The following DPT variants were observed in gnomAD, a reference collection of about 807,000 sequenced individuals.
DPT encodes the protein dermatopontin.
DPT carries 21 observed loss-of-function variants against 31.2 expected under a neutral mutation model. The observed-to-expected ratio is 0.67, with a 90% CI of 0.48 to 0.97. The LOEUF (loss-of-function observed/expected upper bound fraction) is 0.97. Ranked by LOEUF, DPT falls within the 50% of genes least tolerant of loss-of-function variation. DPT has a pLI of 0.00. For missense variants in DPT, 262 were observed against 258.8 expected, an observed-to-expected ratio of 1.01 and a Z score of -0.08; for synonymous variants, 91 against 86.9, an observed-to-expected ratio of 1.05 and a Z score of -0.26.
chr1:168,718,016 A>C lies in DPT; in HGVS notation c.306-3670T>G, dbSNP rs535647014. On this transcript the variant is annotated intron_variant, in intron 1 of 3. Transcript: ENST00000367817. ...GCTCTAAGAATCATAAGCAAAACTC[A>C]TATGTGTCCAAAAAGAGAAGGTTGC... Among the ~76,000 whole-genome samples the C allele has an allele frequency of 2.2e-4, 34 of 152,316 alleles. No individual in the cohort carries two copies. In the South Asian group the frequency reaches 7.1e-3, roughly 32 times the overall value.
At chr1:168,717,880 T>G (rs956664411) in intron 1 of DPT, among the ~76,000 whole-genome samples, 3 of 152,246 alleles carry the variant, frequency 2.0e-5, no homozygotes, top group Admixed American at 1.3e-4. Context: ...ATGAGTGGAA[T>G]GGACTAGGCT....
In DPT at chr1:168,696,108, A is replaced by C. The variant is rs16861320; in HGVS notation, c.*441T>G. On this transcript the variant is annotated 3_prime_UTR_variant, in exon 4 of 4. Coordinates refer to ENST00000367817, the MANE Select transcript of DPT (RefSeq NM_001937.5). The stretch of plus-strand genomic sequence containing the variant: ...GCAGAAAGCCTGCTTTTGGTGGGGA[A>C]CCTACGTATCATTCAAACAGGCTTA... 0.13 allele frequency: 51,625 copies of C among 400,926 alleles called. 4,710 individuals are homozygous for C. The highest frequency in any genetic ancestry group is 0.34 in the African/African-American group (16,617 of 48,638). 24.8% of individuals were successfully genotyped at this position (400,926 alleles called of 1,614,324 possible).
chr1:168,708,354 G>T (rs1649768191), intron 2 of DPT, among the ~76,000 whole-genome samples: 1 of 152,144 alleles, frequency 6.6e-6, no homozygotes. Context: ...GATAGATTTT[G>T]CTCAAGTTCA....
chr1:168,722,540 C>T lies in DPT; in HGVS notation c.305+6330G>A, dbSNP rs551786430. On this transcript the variant is annotated intron_variant, in intron 1 of 3. Transcript: ENST00000367817. ...TGCGTGCATTAATTATTTTAATTAT[C>T]AAAACAATCCTATAAAATGGGTTCA... 7.9e-5 allele frequency among the ~76,000 whole-genome samples: 12 copies of T among 152,232 alleles called. No individual in the cohort carries two copies. The South Asian group carries it at 2.5e-3, about 32-fold the overall frequency.
At chr1:168,710,695 G>A (rs1224914114) in intron 2 of DPT, among the ~76,000 whole-genome samples, 2 of 152,116 alleles carry the variant, frequency 1.3e-5, no homozygotes, top group Non-Finnish European at 2.9e-5. Flanking sequence ...TAAAGTATGT[G>A]AGAGGAACGA....
intron 1 of DPT, among the ~76,000 whole-genome samples, chr1:168,722,443 T>C (rs563472583): frequency 3.9e-5 from 6 of 152,306 alleles, no homozygotes; most frequent in African/African-American, 1.4e-4. Context: ...TTACACAGAG[T>C]AGTCATGATA....
intron 1 of DPT, 34 bp downstream of exon 1, chr1:168,728,836 C>T: frequency 6.2e-7 from 1 of 1,605,014 alleles, no homozygotes. Context: ...AGAGATGTTC[C>T]CAGCCCCAGT....
chr1:168,723,661 T>C (rs1340814711), intron 1 of DPT, among the ~76,000 whole-genome samples: 2 of 152,202 alleles, frequency 1.3e-5, no homozygotes, highest in African/African-American at 2.4e-5. Context: ...TGACAGTTCC[T>C]AACCTGACAG....
chr1:168,723,073 A>G (rs568822583), intron 1 of DPT, among the ~76,000 whole-genome samples: 7 of 152,332 alleles, frequency 4.6e-5, no homozygotes, highest in Non-Finnish European at 1.0e-4. Flanking sequence ...AGTGACCTAG[A>G]TGGAAAGTTG....
chr1:168,727,546 T>G (rs1269218246), intron 1 of DPT, among the ~76,000 whole-genome samples: 1 of 150,622 alleles, frequency 6.6e-6, no homozygotes, highest in Non-Finnish European at 1.5e-5. Context: ...TTTCTTTTTT[T>G]TTTTTTTTTG....
intron 2 of DPT, among the ~76,000 whole-genome samples, chr1:168,710,341 T>A (rs1649823247): frequency 6.6e-6 from 1 of 152,208 alleles, no homozygotes; most frequent in South Asian, 2.1e-4. Flanking sequence ...GTGGGACTTG[T>A]TTCAAAGTTG....
Position 168,695,857 on chromosome 1 carries a change from A to T in DPT, c.*692T>A. On this transcript the variant is annotated 3_prime_UTR_variant, in exon 4 of 4. Transcript: ENST00000367817. Reference sequence around the variant, plus strand: ...TTAATCTCATTTGAGAGTGATCCTCACGGGTTCCCCTGGCCCCTGCACTCA... The same window carrying T: ...TTAATCTCATTTGAGAGTGATCCTCTCGGGTTCCCCTGGCCCCTGCACTCA... 3.8e-6 allele frequency: 1 copy of T among 262,406 alleles called. No individual in the cohort carries two copies. The highest frequency in any genetic ancestry group is 7.2e-6 in the Non-Finnish European group (1 of 139,096). The allele number at this position is 262,406 out of a possible 1,614,324, so 16.3% of individuals were successfully genotyped here.
At chr1:168,728,792 G>T in intron 1 of DPT, 78 bp downstream of exon 1, 1 of 1,538,178 alleles carries the variant, frequency 6.5e-7, no homozygotes, top group Non-Finnish European at 8.9e-7. Flanking sequence ...GATATTCCTT[G>T]AGAGTCTAGC....
chr1:168,722,304 C>T (rs6427145), intron 1 of DPT, among the ~76,000 whole-genome samples: 108,399 of 152,134 alleles, frequency 0.71, 39,675 homozygotes, highest in African/African-American at 0.88. Context: ...TATTTATAGA[C>T]TGTGATTAAA....
intron 1 of DPT, among the ~76,000 whole-genome samples, 165 bp downstream of exon 1, chr1:168,728,705 G>A (rs1157184247): frequency 2.6e-5 from 4 of 152,142 alleles, no homozygotes; most frequent in Admixed American, 1.3e-4. Context: ...CATGTAGTCC[G>A]CTCAGCAGCA....
At chr1:168,719,159 A>C (rs1650045779) in intron 1 of DPT, among the ~76,000 whole-genome samples, 1 of 152,214 alleles carries the variant, frequency 6.6e-6, no homozygotes. Flanking sequence ...CTCATCACTC[A>C]ATTCCATTAA....
At chr1:168,723,916 G>A (rs1180374977) in intron 1 of DPT, among the ~76,000 whole-genome samples, 1 of 152,066 alleles carries the variant, frequency 6.6e-6, no homozygotes, top group Non-Finnish European at 1.5e-5. Flanking sequence ...CTTCACCCAG[G>A]TTCCTCTAAT....
intron 1 of DPT, among the ~76,000 whole-genome samples, chr1:168,719,430 T>TG (rs1031757001): frequency 6.6e-6 from 1 of 152,176 alleles, no homozygotes; most frequent in Non-Finnish European, 1.5e-5. Flanking sequence ...GGAACAGGAC[T>TG]GGGGGAACTG....
rs1222204187 is a variant in DPT at position 168,729,015 on chromosome 1, G to A, written c.160C>T (p.Gln54Ter). The change falls in exon 1 of 4, where the codon CAG (glutamine) becomes TAG (stop). Residue 54 changes from glutamine (Q) to a stop codon, truncating the protein, a stop_gained. Transcript: ENST00000367817. LOFTEE classifies it high-confidence loss of function. Reference protein sequence around the residue: ...QGFSYQCPQGQVIVAVRSIFS... With the variant: ...QGFSYQCPQG ...ATGCTCCTCACGGCCACTATCACCTGCCCCTGGGGACACTGGTAGCTGAAG... is the reference window on the plus strand; with the variant it reads ...ATGCTCCTCACGGCCACTATCACCTACCCCTGGGGACACTGGTAGCTGAAG... 1 of 1,614,212 alleles carries A rather than the reference G, an allele frequency of 6.2e-7. No individual in the cohort carries two copies.
Sources: allele counts gnomAD v4.1 joint callset (sites outside exome capture counted in the v4.1 genomes callset), GRCh38; gene constraint gnomAD v4.1.1; transcripts MANE v1.5; gene names NCBI Gene and HGNC (gene_info 2026-07-23, HGNC 2026-07-21).